Variants in DLC1 observed in about 807,000 individuals in gnomAD.
The protein encoded by DLC1 is rho GTPase-activating protein 7.
A neutral mutation model predicts 140.3 loss-of-function variants in DLC1; 54 were observed. The ratio of observed to expected loss-of-function variants is 0.38; its 90% confidence interval spans 0.31 to 0.48. DLC1 has a LOEUF of 0.48. DLC1 is among the 20% of genes least tolerant of loss of function. DLC1 has a pLI of 0.96. For synonymous variants in DLC1, 986 were observed against 728.1 expected (o/e 1.35, Z -5.70); for missense variants, 2,536 against 1,907.0 (o/e 1.33, Z -6.14).
In DLC1 at chr8:13,099,459, T is replaced by C; in HGVS notation, c.2878A>G (p.Thr960Ala). Reference protein sequence around the residue: ...IHLDVDNDRTTPSDLDSTGNS... With the variant: ...IHLDVDNDRTAPSDLDSTGNS... ...CCTGTGCTGTCCAGGTCGCTGGGTG[T>C]GGTTCGGTCGTTGTCCACATCCAGG... The change falls in exon 9 of 18, where the codon ACA (threonine) becomes GCA (alanine). Residue 960 changes from threonine (T) to alanine (A), a missense_variant. By Grantham distance (58) the Thr-to-Ala change is moderately conservative. Transcript: ENST00000276297. 6.2e-7 allele frequency: 1 copy of C among 1,614,076 alleles called. No homozygotes were observed. The highest frequency in any genetic ancestry group is 8.5e-7 in the Non-Finnish European group (1 of 1,180,010).
intron 5 of DLC1, among the ~76,000 whole-genome samples, chr8:13,159,805 A>T (rs1824540080): frequency 6.6e-6 from 1 of 151,780 alleles, no homozygotes; most frequent in Non-Finnish European, 1.5e-5. Flanking sequence ...GGCAAGTGGC[A>T]AGAAGCAAGA....
intron 5 of DLC1, among the ~76,000 whole-genome samples, chr8:13,219,091 A>C (rs182115613): frequency 0.096 from 5,569 of 58,052 alleles, 773 homozygotes; most frequent in East Asian, 0.2. Context: ...ATTATATGTG[A>C]ATGTAATTAT....
At chr8:13,128,561 G>T (rs1161438869) in intron 5 of DLC1, among the ~76,000 whole-genome samples, 1 of 152,218 alleles carries the variant, frequency 6.6e-6, no homozygotes, top group Non-Finnish European at 1.5e-5. Flanking sequence ...TGCTGGACGC[G>T]GTGGCTCACG....
chr8:13,225,254 G>T (rs73663651), intron 5 of DLC1, among the ~76,000 whole-genome samples: 1,906 of 152,250 alleles, frequency 0.013, 36 homozygotes, highest in African/African-American at 0.043. Context: ...TGCTGAAGTG[G>T]CCCCAAAACA....
At chr8:13,384,437 A>G (rs1836420941) in intron 4 of DLC1, among the ~76,000 whole-genome samples, 1 of 152,250 alleles carries the variant, frequency 6.6e-6, no homozygotes, top group African/African-American at 2.4e-5. Flanking sequence ...AAGTGGGAGA[A>G]TGATCTCACA....
At chr8:13,318,749 A>C (rs567803548) in intron 4 of DLC1, among the ~76,000 whole-genome samples, 1 of 152,338 alleles carries the variant, frequency 6.6e-6, no homozygotes, top group East Asian at 1.9e-4. Context: ...ACATTAACAC[A>C]AAGGTAAGCC....
chr8:13,581,730 C>G (rs1805105986), intron 1 of DLC1, among the ~76,000 whole-genome samples: 1 of 152,162 alleles, frequency 6.6e-6, no homozygotes, highest in African/African-American at 2.4e-5. Flanking sequence ...AGAATCTATT[C>G]TATCGCTTCC....
chr8:13,099,407 G>T lies in DLC1; in HGVS notation c.2930C>A (p.Pro977His). Reference protein sequence around the residue: ...TGNSLNEPEEPSEIPERRDSG... With the variant: ...TGNSLNEPEEHSEIPERRDSG... The stretch of plus-strand genomic sequence containing the variant: ...ATCCCTTCTTTCCGGGATCTCGGAG[G>T]GCTCTTCCGGTTCATTCAGGGAGTT... The change falls in exon 9 of 18, where the codon CCC becomes CAC. Residue 977 changes from proline to histidine, a missense_variant. Pro to His is a moderately conservative substitution (Grantham distance 77). Coordinates refer to ENST00000276297, the MANE Select transcript of DLC1 (RefSeq NM_182643.3). 1 of 1,614,078 alleles carries T rather than the reference G, an allele frequency of 6.2e-7. No homozygotes were observed. The highest frequency in any genetic ancestry group is 1.3e-5 in the African/African-American group (1 of 75,006).
At chr8:13,266,064 A>G (rs976163684) in intron 5 of DLC1, among the ~76,000 whole-genome samples, 1 of 152,230 alleles carries the variant, frequency 6.6e-6, no homozygotes, top group African/African-American at 2.4e-5. Flanking sequence ...TATACACATA[A>G]TCACTGAAGG....
intron 4 of DLC1, among the ~76,000 whole-genome samples, chr8:13,333,615 C>G (rs1378326803): frequency 6.6e-6 from 1 of 152,184 alleles, no homozygotes; most frequent in Admixed American, 6.5e-5. Context: ...TGGGAAATGG[C>G]TCTCCTGCTT....
At chr8:13,290,922 C>T (rs996723015) in intron 5 of DLC1, among the ~76,000 whole-genome samples, 1 of 152,056 alleles carries the variant, frequency 6.6e-6, no homozygotes, top group Non-Finnish European at 1.5e-5. Context: ...TCTTGTTTTT[C>T]TTTGAGATGG....
chr8:13,471,991 G>A (rs565619345), intron 2 of DLC1, among the ~76,000 whole-genome samples: 52 of 152,176 alleles, frequency 3.4e-4, no homozygotes, highest in Non-Finnish European at 6.5e-4. Flanking sequence ...AAAAATTGAG[G>A]CCTGTGCAAA....
intron 5 of DLC1, among the ~76,000 whole-genome samples, chr8:13,270,686 C>T (rs1830895136): frequency 6.6e-6 from 1 of 152,152 alleles, no homozygotes; most frequent in African/African-American, 2.4e-5. Flanking sequence ...TGTTTCTCTC[C>T]AGAGATACAG....
At chr8:13,442,589 A>C (rs1421049058) in intron 2 of DLC1, among the ~76,000 whole-genome samples, 2 of 152,228 alleles carry the variant, frequency 1.3e-5, no homozygotes, top group African/African-American at 2.4e-5. Context: ...ATGCAGCCAA[A>C]AGACACATGA....
chr8:13,181,546 C>G (rs1247762739), intron 5 of DLC1, among the ~76,000 whole-genome samples: 1 of 142,218 alleles, frequency 7.0e-6, no homozygotes, highest in African/African-American at 2.6e-5. Flanking sequence ...TCTAAGTGAT[C>G]TCATTGTTCA....
chr8:13,396,351 G>A (rs1004428648), intron 3 of DLC1, among the ~76,000 whole-genome samples: 2 of 152,104 alleles, frequency 1.3e-5, no homozygotes, highest in Middle Eastern at 3.2e-3. Context: ...GAGCTGCTGC[G>A]CCTGGCCTTG....
At chr8:13,402,567 T>C (rs1242725864) in intron 2 of DLC1, among the ~76,000 whole-genome samples, 2 of 152,240 alleles carry the variant, frequency 1.3e-5, no homozygotes, top group African/African-American at 2.4e-5. Context: ...TTGTGACTTA[T>C]GTTGCCATCC....
chr8:13,377,626 A>G (rs1302746025), intron 4 of DLC1, among the ~76,000 whole-genome samples: 1 of 152,150 alleles, frequency 6.6e-6, no homozygotes, highest in East Asian at 1.9e-4. Flanking sequence ...CTGTGCATTT[A>G]CTGTGCGATA....
intron 5 of DLC1, among the ~76,000 whole-genome samples, chr8:13,244,683 A>C (rs1829686653): frequency 6.6e-6 from 1 of 152,068 alleles, no homozygotes; most frequent in Non-Finnish European, 1.5e-5. Flanking sequence ...CCTTCCACTT[A>C]AAAATCTCTT....
Sources: allele counts gnomAD v4.1 joint callset (sites outside exome capture counted in the v4.1 genomes callset), GRCh38; gene constraint gnomAD v4.1.1; transcripts MANE v1.5; gene names NCBI Gene and HGNC (gene_info 2026-07-23, HGNC 2026-07-21).